Variants in POMGNT1 observed in about 807,000 individuals in gnomAD.
POMGNT1 encodes protein O-linked mannose N-acetylglucosaminyltransferase 1 (beta 1,2-).
POMGNT1 carries 67 observed loss-of-function variants against 95.6 expected under a neutral mutation model. The ratio of observed to expected loss-of-function variants is 0.70; its 90% CI spans 0.58 to 0.86. The LOEUF is 0.86. POMGNT1 is among the 40% of genes least tolerant of loss of function. The pLI, the probability that POMGNT1 is intolerant of heterozygous loss-of-function variation, is 0.00. For synonymous variants in POMGNT1, 298 were observed against 317.9 expected (o/e 0.94, Z 0.66); for missense variants, 719 against 855.2 (o/e 0.84, Z 1.99).
upstream of POMGNT1, chr1:46,203,359 G>A: frequency 1.4e-6 from 2 of 1,395,302 alleles, no homozygotes; most frequent in Non-Finnish European, 9.5e-7. Context: ...TAGCAGCGGC[G>A]AAGGGAGGAC....
intron 1 of POMGNT1, among the ~76,000 whole-genome samples, chr1:46,218,891 CTT>C (rs1421565413): frequency 6.6e-6 from 1 of 152,106 alleles, no homozygotes; most frequent in African/African-American, 2.4e-5. Context: ...GGTTAGCTCT[CTT>C]TATTCCCCAG....
rs189814441 is a variant in POMGNT1 at position 46,220,112 on chromosome 1, G to C, written c.-458C>G. 3.1e-4 allele frequency: 501 copies of C among 1,614,238 alleles called. 5 individuals carry two copies. In the South Asian group the frequency reaches 5.3e-3, roughly 17 times the overall value. ...GAGCTGTGTGGAAGCCCCCAGGGGA[G>C]AGGCTTCAAGGTGGACCACCTGAGT... On this transcript the variant is annotated 5_prime_UTR_variant, in exon 1 of 23. Transcript: ENST00000371992.
intron 1 of POMGNT1, among the ~76,000 whole-genome samples, chr1:46,210,968 C>T (rs903194443): frequency 6.9e-6 from 1 of 144,812 alleles, no homozygotes; most frequent in African/African-American, 2.6e-5. Context: ...TTGGTAGAGA[C>T]AGGGTTTCCC....
intron 1 of POMGNT1, among the ~76,000 whole-genome samples, chr1:46,214,823 C>T (rs1469860461): frequency 2.1e-5 from 3 of 139,642 alleles, no homozygotes; most frequent in South Asian, 2.4e-4. Flanking sequence ...CCAAGATGTG[C>T]GCCATTGCAC....
At chr1:46,194,026 T>C in intron 9 of POMGNT1, 101 bp from the exon 10 acceptor site, 1 of 1,572,288 alleles carries the variant, frequency 6.4e-7, no homozygotes, top group Non-Finnish European at 8.6e-7. Flanking sequence ...CAGACTGGAG[T>C]AGACAGGGAA....
At chr1:46,213,927 GCT>G (rs1658981288) in intron 1 of POMGNT1, among the ~76,000 whole-genome samples, 1 of 152,030 alleles carries the variant, frequency 6.6e-6, no homozygotes, top group Non-Finnish European at 1.5e-5. Flanking sequence ...CTGTAGTGAG[GCT>G]CAGAGTTGGC....
chr1:46,195,230 C>T (rs1658134751), intron 6 of POMGNT1, among the ~76,000 whole-genome samples: 1 of 152,202 alleles, frequency 6.6e-6, no homozygotes, highest in African/African-American at 2.4e-5. Context: ...AACCACTCTC[C>T]TACTCTCCTC....
chr1:46,192,653 G>C, intron 14 of POMGNT1, 63 bp from the exon 15 acceptor site: 1 of 1,605,976 alleles, frequency 6.2e-7, no homozygotes, highest in South Asian at 1.1e-5. Flanking sequence ...ACACAGAGAT[G>C]CTAGAATTGC....
rs1658062244 is a variant in POMGNT1 at position 46,194,536 on chromosome 1, T to A, written c.751+17A>T. ...CCCAGCCCAGGCCCTGCCCCATCCA[T>A]GCTCCACTAACTCCACCTTCTGCTG... On this transcript the variant is annotated intron_variant, in intron 8 of 21. Coordinates refer to ENST00000371984, the MANE Select transcript of POMGNT1 (RefSeq NM_017739.4). The A allele has an allele frequency of 6.2e-7, 1 of 1,613,956 alleles. No individual in the cohort carries two copies.
chr1:46,203,345 G>T (rs1571679540), upstream of POMGNT1: 2 of 1,333,790 alleles, frequency 1.5e-6, no homozygotes, highest in Admixed American at 3.0e-5. Context: ...GTTTTGCTCC[G>T]CTTTAGCAGC....
chr1:46,211,991 A>C (rs1182023170), intron 1 of POMGNT1, among the ~76,000 whole-genome samples: 1 of 152,002 alleles, frequency 6.6e-6, no homozygotes, highest in Non-Finnish European at 1.5e-5. Context: ...CAAATTCCTG[A>C]TCTCAGGTGA....
chr1:46,216,518 T>C (rs1659076874), intron 1 of POMGNT1, among the ~76,000 whole-genome samples: 1 of 152,032 alleles, frequency 6.6e-6, no homozygotes, highest in Admixed American at 6.6e-5. Context: ...ATTTTTAAAT[T>C]TTTTGTAGAG....
intron 1 of POMGNT1, among the ~76,000 whole-genome samples, chr1:46,206,034 T>G (rs772124326): frequency 6.6e-6 from 1 of 152,162 alleles, no homozygotes; most frequent in Non-Finnish European, 1.5e-5. Context: ...ATTCAAAGGT[T>G]GAGTGAACAA....
chr1:46,197,603 C>G, intron 2 of POMGNT1, 99 bp downstream of exon 2: 2 of 1,583,898 alleles, frequency 1.3e-6, no homozygotes. Flanking sequence ...CTGCCCCTTT[C>G]CCACTGGGGC....
chr1:46,219,099 C>G (rs1659151582), intron 1 of POMGNT1, among the ~76,000 whole-genome samples: 1 of 151,998 alleles, frequency 6.6e-6, no homozygotes, highest in South Asian at 2.1e-4. Context: ...GGGTTTGAGA[C>G]CAGCCTGACC....
At chr1:46,204,506 C>T (rs758181391) in intron 1 of POMGNT1, among the ~76,000 whole-genome samples, 29 of 151,516 alleles carry the variant, frequency 1.9e-4, no homozygotes, top group Admixed American at 6.6e-5. Context: ...CAACCAGGAG[C>T]CCACAGTGAG....
rs772489449 is a variant in POMGNT1, at chr1:46,192,601, C to G, written c.1212-11G>C. ...GATTGGCTCAGGAAACTGAGAGAGG[C>G]AGGGTCAAAGAGTTCAGGGAGGGAC... On this transcript the variant is annotated splice_polypyrimidine_tract_variant and intron_variant, in intron 14 of 21. Transcript: ENST00000371984. 3 of 1,613,660 alleles carry G rather than the reference C, an allele frequency of 1.9e-6. No homozygotes were observed. The highest frequency in any genetic ancestry group is 1.7e-6 in the Non-Finnish European group (2 of 1,179,952).
chr1:46,195,039 G>C, intron 6 of POMGNT1, 78 bp from the exon 7 acceptor site: 1 of 1,290,468 alleles, frequency 7.7e-7, no homozygotes, highest in Non-Finnish European at 1.1e-6. Context: ...GAACTATGTA[G>C]CAACCTTTTA....
chr1:46,212,304 G>A (rs1352946769), intron 1 of POMGNT1, among the ~76,000 whole-genome samples: 6 of 146,370 alleles, frequency 4.1e-5, no homozygotes, highest in African/African-American at 1.0e-4. Context: ...TTTTTGAGAC[G>A]GAGTCTTGCT....
Sources: allele counts gnomAD v4.1 joint callset (sites outside exome capture counted in the v4.1 genomes callset), GRCh38; gene constraint gnomAD v4.1.1; transcripts MANE v1.5; gene names NCBI Gene and HGNC (gene_info 2026-07-23, HGNC 2026-07-21).